Variants in VRK2 observed in about 807,000 individuals in gnomAD.
VRK2 encodes serine/threonine-protein kinase VRK2.
In VRK2, 60 loss-of-function variants were observed where a neutral mutation model predicts 57.6. The ratio of observed to expected loss-of-function variants is 1.04; its 90% CI spans 0.85 to 1.29. The LOEUF (loss-of-function observed/expected upper bound fraction) is 1.29. VRK2 is among the 50% of genes most tolerant of loss of function. VRK2 has a pLI of 0.00. For synonymous variants in VRK2, 231 were observed against 199.2 expected, an observed-to-expected ratio of 1.16 and a Z score of -1.35; for missense variants, 705 against 588.1, an observed-to-expected ratio of 1.20 and a Z score of -2.06.
At chr2:58,110,081 G>A (rs1311742177) in intron 7 of VRK2, among the ~76,000 whole-genome samples, 1 of 152,190 alleles carries the variant, frequency 6.6e-6, no homozygotes, top group East Asian at 1.9e-4. Context: ...AGTGAAATAG[G>A]AAGGTGATCT....
At chr2:58,148,213 T>A (rs531129875) in intron 12 of VRK2, among the ~76,000 whole-genome samples, 2 of 152,030 alleles carry the variant, frequency 1.3e-5, no homozygotes, top group African/African-American at 4.8e-5. Flanking sequence ...CTCTTTTTAA[T>A]TTTAGCCTTT....
chr2:58,081,872 G>GTT (rs1670928684), intron 2 of VRK2, among the ~76,000 whole-genome samples: 1 of 150,796 alleles, frequency 6.6e-6, no homozygotes, highest in South Asian at 2.1e-4. Context: ...GTGTGTGTGT[G>GTT]TGTGTGTGTG....
chr2:58,136,908 T>TA (rs1553421743), intron 10 of VRK2, among the ~76,000 whole-genome samples: 2 of 2,840 alleles, frequency 7.0e-4, no homozygotes, highest in East Asian at 0.25. Context: ...ATATATCATA[T>TA]ATATATCATA....
At chr2:57,951,685 C>T (rs140953467) in intron 1 of VRK2, among the ~76,000 whole-genome samples, 2 of 152,296 alleles carry the variant, frequency 1.3e-5, no homozygotes, top group Middle Eastern at 3.4e-3. Flanking sequence ...TGAGGCAAGA[C>T]CCTCTACCAG....
intron 1 of VRK2, among the ~76,000 whole-genome samples, chr2:57,921,082 T>C (rs1205691610): frequency 6.6e-6 from 1 of 152,012 alleles, no homozygotes; most frequent in Middle Eastern, 3.2e-3. Flanking sequence ...GGACTAGGAC[T>C]TGGTGTTCTT....
chr2:57,952,180 T>C (rs72808472), intron 1 of VRK2, among the ~76,000 whole-genome samples: 18,698 of 152,022 alleles, frequency 0.12, 1,215 homozygotes, highest in East Asian at 0.19. Flanking sequence ...ATAGACACAG[T>C]ATAATGTAAA....
chr2:58,030,474 T>C (rs1674078773), intron 2 of VRK2, among the ~76,000 whole-genome samples: 1 of 152,092 alleles, frequency 6.6e-6, no homozygotes, highest in Non-Finnish European at 1.5e-5. Flanking sequence ...TAATGCACTC[T>C]ACCTCGTTTC....
intron 1 of VRK2, among the ~76,000 whole-genome samples, chr2:57,957,579 T>C (rs1483316772): frequency 2.0e-5 from 3 of 148,448 alleles, no homozygotes; most frequent in African/African-American, 2.4e-5. Context: ...TATATACTTA[T>C]ATATATTTAA....
chr2:58,010,089 A>G (rs1209984205), intron 1 of VRK2, among the ~76,000 whole-genome samples: 1 of 152,120 alleles, frequency 6.6e-6, no homozygotes, highest in East Asian at 1.9e-4. Context: ...ATTTTTACTT[A>G]TCTCCACTAC....
intron 2 of VRK2, among the ~76,000 whole-genome samples, chr2:58,054,402 T>TA (rs1004352492): frequency 1.3e-5 from 2 of 151,862 alleles, no homozygotes; most frequent in Non-Finnish European, 2.9e-5. Context: ...TTTTTTTTTT[T>TA]AATTTGAAAC....
chr2:58,149,261 G>T lies in VRK2; in HGVS notation c.1182+2787G>T, dbSNP rs140063841. ...ATTAAAATTATCTCTAAATATTTTT[G>T]ATCCCATTTTAAGTAGTAATTTTCA... is the stretch of plus-strand genomic sequence containing the variant. On this transcript the variant is annotated intron_variant, in intron 12 of 12. Coordinates refer to ENST00000340157, the MANE Select transcript of VRK2 (RefSeq NM_006296.7). Among the ~76,000 whole-genome samples the T allele has an allele frequency of 5.3e-3, 809 of 151,552 alleles. 11 individuals carry two copies. Among genetic ancestry groups the T allele is most frequent in the African/African-American group, 0.018 (764 of 41,410 alleles).
chr2:57,973,297 C>G (rs1672150829), intron 1 of VRK2, among the ~76,000 whole-genome samples: 1 of 151,676 alleles, frequency 6.6e-6, no homozygotes, highest in African/African-American at 2.4e-5. Flanking sequence ...TTTTAAGGGC[C>G]AAGCAAATGC....
intron 1 of VRK2, among the ~76,000 whole-genome samples, chr2:58,004,622 T>A (rs1353888654): frequency 5.3e-5 from 8 of 152,188 alleles, no homozygotes; most frequent in Non-Finnish European, 1.0e-4. Context: ...TAAAATGGAA[T>A]AATCTATTCC....
chr2:58,098,864 T>C (rs1256777648), intron 7 of VRK2, among the ~76,000 whole-genome samples: 1 of 152,132 alleles, frequency 6.6e-6, no homozygotes, highest in Non-Finnish European at 1.5e-5. Flanking sequence ...GTGTTAGGCA[T>C]TATGTTGTAT....
At chr2:58,134,808 C>T (rs1251749996) in intron 9 of VRK2, among the ~76,000 whole-genome samples, 1 of 152,054 alleles carries the variant, frequency 6.6e-6, no homozygotes, top group Non-Finnish European at 1.5e-5. Flanking sequence ...TCATATAAAA[C>T]TTTAATTAAA....
At chr2:58,035,805 G>A (rs1423503101) in intron 3 of VRK2, among the ~76,000 whole-genome samples, 4 of 152,008 alleles carry the variant, frequency 2.6e-5, no homozygotes, top group East Asian at 3.9e-4. Context: ...GGCATCAGAT[G>A]AGACCCAACC....
intron 1 of VRK2, among the ~76,000 whole-genome samples, chr2:57,976,503 A>T (rs536163984): frequency 6.6e-6 from 1 of 152,138 alleles, no homozygotes; most frequent in South Asian, 2.1e-4. Context: ...AGCCACTTGT[A>T]TGTCTTCTTT....
At position 58,146,331 on chromosome 2, in the gene VRK2, G is replaced by C. The variant is rs1271024887; in HGVS notation, c.1039G>C (p.Ala347Pro). 1 of 1,609,310 alleles carries C rather than the reference G, an allele frequency of 6.2e-7. No individual in the cohort carries two copies. Among genetic ancestry groups the C allele is most frequent in the African/African-American group, 1.3e-5 (1 of 74,530 alleles). The change falls in exon 12 of 13, where the codon GCT becomes CCT. Residue 347 changes from alanine to proline, a missense_variant. Ala to Pro is a conservative substitution (Grantham distance 27, BLOSUM62 -1). Transcript: ENST00000340157. ...ATACCAACAGGTTGATTCACAAAAG[G>C]CTGCAACAAAGCAAGTCAACAAGGC... is the stretch of plus-strand genomic sequence containing the variant. ...PNSQKVDSQK[A>P]ATKQVNKAHN...
At chr2:57,926,519 AGT>A (rs1181913156) in intron 1 of VRK2, among the ~76,000 whole-genome samples, 57 of 149,700 alleles carry the variant, frequency 3.8e-4, no homozygotes, top group African/African-American at 1.3e-3. Context: ...GTATATATAT[AGT>A]GTGTGTGTGT....
Sources: allele counts gnomAD v4.1 joint callset (sites outside exome capture counted in the v4.1 genomes callset), GRCh38; gene constraint gnomAD v4.1.1; transcripts MANE v1.5; gene names NCBI Gene and HGNC (gene_info 2026-07-23, HGNC 2026-07-21).